NEDD4: variants seen among roughly 807,000 people sequenced by gnomAD.
The protein encoded by NEDD4 is E3 ubiquitin-protein ligase NEDD4.
In NEDD4, 99 loss-of-function variants were observed where a neutral mutation model predicts 144.9. That is an observed-to-expected ratio of 0.68 (90% CI 0.58 to 0.81). The LOEUF is 0.81. Ranked by LOEUF, NEDD4 falls within the 30% of genes least tolerant of loss-of-function variation. The probability of loss-of-function intolerance (pLI) is 0.00; values close to 1 mark genes in which losing one functional copy is unlikely to be tolerated. For synonymous variants in NEDD4, 318 were observed against 350.6 expected, an observed-to-expected ratio of 0.91 and a Z score of 1.04; for missense variants, 985 against 1,065.9, an observed-to-expected ratio of 0.92 and a Z score of 1.06.
intron 9 of NEDD4, among the ~76,000 whole-genome samples, chr15:55,861,230 A>G (rs1432329327): frequency 6.6e-6 from 1 of 152,214 alleles, no homozygotes; most frequent in Admixed American, 6.5e-5. Context: ...AGAGTACTCC[A>G]TGCATGAATG....
chr15:55,862,491 AT>A (rs2034444988), intron 9 of NEDD4, among the ~76,000 whole-genome samples: 2 of 152,174 alleles, frequency 1.3e-5, no homozygotes, highest in Non-Finnish European at 2.9e-5. Flanking sequence ...GTTTAACGTA[AT>A]ACCCTTATTA....
chr15:55,882,897 A>ATAG (rs1252480234), intron 5 of NEDD4, among the ~76,000 whole-genome samples: 3 of 152,212 alleles, frequency 2.0e-5, no homozygotes, highest in Non-Finnish European at 2.9e-5. Context: ...CAGTAACCAG[A>ATAG]TAGTATACAT....
intron 5 of NEDD4, among the ~76,000 whole-genome samples, chr15:55,923,055 G>A (rs2036598133): frequency 1.3e-5 from 2 of 151,666 alleles, no homozygotes; most frequent in African/African-American, 4.8e-5. Context: ...AAGGAGGCGG[G>A]TGCCTGTAAT....
At chr15:55,936,447 C>G (rs566400927) in intron 4 of NEDD4, among the ~76,000 whole-genome samples, 1 of 152,032 alleles carries the variant, frequency 6.6e-6, no homozygotes, top group South Asian at 2.1e-4. Context: ...TAGGAAATCC[C>G]AGAAAAGCAT....
At chr15:55,848,621 A>G (rs1409264242) in intron 15 of NEDD4, 46 bp from the exon 16 acceptor site, 1 of 1,521,160 alleles carries the variant, frequency 6.6e-7, no homozygotes, top group Non-Finnish European at 9.1e-7. Flanking sequence ...AGGGGCGTAG[A>G]TGAATGGATA....
intron 4 of NEDD4, among the ~76,000 whole-genome samples, chr15:55,941,949 T>C (rs1291635435): frequency 6.6e-6 from 1 of 152,192 alleles, no homozygotes; most frequent in South Asian, 2.1e-4. Context: ...TCTTGGTAAA[T>C]GTTCCATGGG....
At chr15:55,921,129 T>A (rs1463059269) in intron 5 of NEDD4, among the ~76,000 whole-genome samples, 1 of 152,192 alleles carries the variant, frequency 6.6e-6, no homozygotes. Context: ...AGTATTTTCA[T>A]CGTCATTGTC....
chr15:55,950,006 A>C (rs1016591723), intron 4 of NEDD4, among the ~76,000 whole-genome samples: 36 of 152,136 alleles, frequency 2.4e-4, no homozygotes, highest in African/African-American at 8.7e-4. Flanking sequence ...AAATAAGTAA[A>C]ATAAAACAAA....
At chr15:55,990,912 C>A (rs2037979943) in intron 1 of NEDD4, among the ~76,000 whole-genome samples, 1 of 152,194 alleles carries the variant, frequency 6.6e-6, no homozygotes, top group South Asian at 2.1e-4. Context: ...AAGGTAAAAT[C>A]CTGCACATGC....
Position 55,848,826 on chromosome 15 carries a change from TG to T in NEDD4, c.1407del (p.Asn470MetfsTer3). ...HLRGKTSLDTSNDLGPLPPGW... is the reference protein window; with the variant it reads ...HLRGKTSLDTXNDLGPLPPGW... ...CTTACAGGTAAAGGCCCTAGATCAT[TG>T]GAAGTATCAAGTGATGTCTTTCCTC... On this transcript the variant is annotated frameshift_variant, in exon 15 of 29. Transcript: ENST00000435532. LOFTEE classifies it high-confidence loss of function. 6.2e-7 allele frequency: 1 copy of T among 1,613,786 alleles called. No individual in the cohort carries two copies. Among genetic ancestry groups the T allele is most frequent in the Non-Finnish European group, 8.5e-7 (1 of 1,179,768 alleles).
intron 2 of NEDD4, among the ~76,000 whole-genome samples, chr15:55,953,861 C>T (rs557463309): frequency 1.3e-5 from 2 of 152,310 alleles, no homozygotes; most frequent in South Asian, 4.2e-4. Flanking sequence ...GCTGGGACTA[C>T]AGGCGCCTGC....
intron 12 of NEDD4, among the ~76,000 whole-genome samples, chr15:55,853,723 TCACC>T: frequency 6.6e-6 from 1 of 152,324 alleles, no homozygotes; most frequent in African/African-American, 2.4e-5. Flanking sequence ...GCATGATGGC[TCACC>T]CCTGTAATCC....
At chr15:55,880,724 T>A (rs1270724810) in intron 5 of NEDD4, among the ~76,000 whole-genome samples, 1 of 151,996 alleles carries the variant, frequency 6.6e-6, no homozygotes, top group Non-Finnish European at 1.5e-5. Flanking sequence ...ATGTAACACC[T>A]AGAGAGCAAC....
At chr15:55,848,302 G>A (rs1375135297) in intron 17 of NEDD4, 70 bp downstream of exon 17, 19 of 1,458,958 alleles carry the variant, frequency 1.3e-5, no homozygotes, top group South Asian at 3.4e-5. Context: ...GGTTATGCCC[G>A]TGACTATCTG....
intron 1 of NEDD4, among the ~76,000 whole-genome samples, chr15:55,992,295 G>C (rs1323901433): frequency 2.0e-5 from 3 of 152,152 alleles, no homozygotes; most frequent in African/African-American, 7.2e-5. Context: ...GCAATAGCTA[G>C]GAAATTAAAT....
intron 5 of NEDD4, among the ~76,000 whole-genome samples, chr15:55,910,373 G>T (rs1282889383): frequency 6.6e-6 from 1 of 151,826 alleles, no homozygotes; most frequent in African/African-American, 2.4e-5. Flanking sequence ...GTTCTCTGTG[G>T]TACTGTCTGC....
At chr15:55,830,036 T>G in intron 28 of NEDD4, 37 bp from the exon 29 acceptor site, 2 of 1,472,280 alleles carry the variant, frequency 1.4e-6, no homozygotes, top group Admixed American at 1.8e-5. Flanking sequence ...TGAAAGACAC[T>G]GACAAAGCAA....
chr15:55,982,279 C>G (rs574185348), intron 1 of NEDD4, among the ~76,000 whole-genome samples: 1 of 152,184 alleles, frequency 6.6e-6, no homozygotes, highest in African/African-American at 2.4e-5. Flanking sequence ...GGTATTTACA[C>G]AAGAGAAATA....
intron 5 of NEDD4, among the ~76,000 whole-genome samples, chr15:55,876,412 A>T (rs2034995616): frequency 6.6e-6 from 1 of 152,150 alleles, no homozygotes; most frequent in Non-Finnish European, 1.5e-5. Context: ...TATACAAAAA[A>T]AAAATTGTAT....
Sources: gnomAD v4.1 joint callset for allele counts (sites outside exome capture counted in the v4.1 genomes callset) on GRCh38, gnomAD v4.1.1 for gene constraint, MANE v1.5 for transcripts, NCBI Gene and HGNC (gene_info 2026-07-23, HGNC 2026-07-21) for gene names.